BAZ1A: variants seen among roughly 807,000 people sequenced by gnomAD.
The protein encoded by BAZ1A is bromodomain adjacent to zinc finger domain protein 1A.
In BAZ1A, 50 loss-of-function variants were observed where a neutral mutation model predicts 185.2. The observed-to-expected ratio is 0.27, with a 90% CI of 0.22 to 0.34. The LOEUF is 0.34. BAZ1A is among the 10% of genes least tolerant of loss of function. The pLI, the probability that BAZ1A is intolerant of heterozygous loss-of-function variation, is 1.00. For missense variants in BAZ1A, 1,356 were observed against 1,839.9 expected (o/e 0.74, Z 4.81); for synonymous variants, 571 against 615.6 (o/e 0.93, Z 1.07).
At chr14:34,759,697 CAG>C (rs1280011447) in intron 24 of BAZ1A, among the ~76,000 whole-genome samples, 4 of 151,714 alleles carry the variant, frequency 2.6e-5, no homozygotes, top group African/African-American at 9.7e-5. Context: ...ATTTTTGAGA[CAG>C]AGTCTTGCTT....
At chr14:34,816,066 ATAT>A (rs1433068719) in intron 4 of BAZ1A, among the ~76,000 whole-genome samples, 1 of 139,786 alleles carries the variant, frequency 7.2e-6, no homozygotes, top group Admixed American at 7.5e-5. Flanking sequence ...AGCTACATAC[ATAT>A]TATTCCAGAC....
chr14:34,854,498 T>C (rs930841726), intron 3 of BAZ1A, among the ~76,000 whole-genome samples: 6 of 152,008 alleles, frequency 3.9e-5, no homozygotes, highest in African/African-American at 1.5e-4. Flanking sequence ...TAACTTTCAA[T>C]AGAAAATTAA....
At chr14:34,782,405 G>C (rs1266365240) in intron 16 of BAZ1A, among the ~76,000 whole-genome samples, 1 of 151,430 alleles carries the variant, frequency 6.6e-6, no homozygotes, top group Non-Finnish European at 1.5e-5. Context: ...TTTTTAATTG[G>C]GTTGTTTTTA....
intron 18 of BAZ1A, 48 bp downstream of exon 18, chr14:34,775,871 A>AT (rs1278083721): frequency 6.9e-7 from 1 of 1,455,512 alleles, no homozygotes; most frequent in Non-Finnish European, 9.3e-7. Flanking sequence ...ATGACCAGAG[A>AT]TTAGGGGGAG....
chr14:34,823,103 C>A (rs1257576095), intron 4 of BAZ1A, among the ~76,000 whole-genome samples: 4 of 152,206 alleles, frequency 2.6e-5, no homozygotes, highest in African/African-American at 9.6e-5. Context: ...CCTGTAATCC[C>A]AGCACTTTGG....
At chr14:34,870,028 A>G (rs1452282964) in intron 2 of BAZ1A, among the ~76,000 whole-genome samples, 1 of 152,202 alleles carries the variant, frequency 6.6e-6, no homozygotes, top group Non-Finnish European at 1.5e-5. Context: ...TAAGTGAGTG[A>G]GCCCAGAGGA....
At chr14:34,852,842 A>T (rs2042618183) in intron 3 of BAZ1A, among the ~76,000 whole-genome samples, 1 of 152,212 alleles carries the variant, frequency 6.6e-6, no homozygotes, top group Non-Finnish European at 1.5e-5. Flanking sequence ...CCATACAGCT[A>T]ATCATAAATG....
In BAZ1A at chr14:34,758,603, A is replaced by C. The variant is rs1594806322; in HGVS notation, c.4386+101T>G. The C allele has an allele frequency of 9.7e-6, 12 of 1,233,016 alleles. No homozygotes were observed. The East Asian group carries it at 3.0e-4, about 31-fold the overall frequency. 76.4% of individuals were successfully genotyped at this position (1,233,016 alleles called of 1,614,324 possible). A position where few individuals can be genotyped will look rare whatever the true frequency, so the allele number is the denominator to read the frequency against. ...AGGAAAAAACAACAACAACAAAAAAAACTAGACAGTGAGTAACAGGTGTTT... is the reference window on the plus strand; with the variant it reads ...AGGAAAAAACAACAACAACAAAAAACACTAGACAGTGAGTAACAGGTGTTT... On this transcript the variant is annotated intron_variant, in intron 25 of 26. Transcript: ENST00000360310.
At chr14:34,794,402 G>A (rs1881065140) in intron 11 of BAZ1A, among the ~76,000 whole-genome samples, 1 of 152,166 alleles carries the variant, frequency 6.6e-6, no homozygotes, top group South Asian at 2.1e-4. Flanking sequence ...CAATCCTGTT[G>A]AATCCCACGG....
At chr14:34,834,753 T>C (rs2042301939) in intron 3 of BAZ1A, among the ~76,000 whole-genome samples, 1 of 152,146 alleles carries the variant, frequency 6.6e-6, no homozygotes, top group African/African-American at 2.4e-5. Context: ...GTCTATGTCT[T>C]TCACAGCTAC....
intron 4 of BAZ1A, among the ~76,000 whole-genome samples, chr14:34,820,989 T>C (rs1025660814): frequency 2.6e-5 from 4 of 152,166 alleles, no homozygotes; most frequent in African/African-American, 9.7e-5. Context: ...TGAAGCTGGG[T>C]AGTGTCAGTT....
chr14:34,822,419 T>TACC (rs1280261946), intron 4 of BAZ1A, among the ~76,000 whole-genome samples: 3 of 152,130 alleles, frequency 2.0e-5, no homozygotes, highest in Non-Finnish European at 4.4e-5. Context: ...AGCTTAGGAA[T>TACC]ACCAAACCAG....
chr14:34,814,914 C>T (rs1212967509), intron 4 of BAZ1A, among the ~76,000 whole-genome samples: 1 of 151,924 alleles, frequency 6.6e-6, no homozygotes, highest in Non-Finnish European at 1.5e-5. Flanking sequence ...GCTGGGATTA[C>T]AGGTGCCCGC....
intron 3 of BAZ1A, among the ~76,000 whole-genome samples, chr14:34,850,658 T>C (rs545989372): frequency 3.3e-5 from 5 of 152,222 alleles, no homozygotes; most frequent in Admixed American, 1.3e-4. Context: ...TGTACTACAA[T>C]ATTACAGAGG....
intron 26 of BAZ1A, among the ~76,000 whole-genome samples, chr14:34,754,410 C>CCCT (rs1886147651): frequency 1.4e-5 from 1 of 73,228 alleles, no homozygotes; most frequent in Non-Finnish European, 3.2e-5. Flanking sequence ...CAGAGTGAGA[C>CCCT]GTATCTCAAA....
chr14:34,843,480 TC>T lies in BAZ1A; in HGVS notation c.393-17325del, dbSNP rs559468103. Among the ~76,000 whole-genome samples, 97 of 152,204 alleles carry T rather than the reference TC, an allele frequency of 6.4e-4. 2 individuals are homozygous for T. The South Asian group carries it at 0.019, about 30-fold the overall frequency. ...TGGAAGTGGACTTTAGCTACCTCAG[TC>T]TGAGGCCCCAGACATGTAAGGCTAT... On this transcript the variant is annotated intron_variant, in intron 3 of 26. Coordinates refer to ENST00000360310, the MANE Select transcript of BAZ1A (RefSeq NM_013448.3).
chr14:34,873,039 T>G (rs1453953902), intron 2 of BAZ1A, among the ~76,000 whole-genome samples: 1 of 150,852 alleles, frequency 6.6e-6, no homozygotes, highest in Non-Finnish European at 1.5e-5. Flanking sequence ...AGATGTGCAC[T>G]CCTACTTAAA....
rs549892903 is a variant in BAZ1A at position 34,862,759 on chromosome 14, CTA to C, written c.114-439_114-438del. Among the ~76,000 whole-genome samples the C allele has an allele frequency of 1.5e-3, 219 of 146,558 alleles. 1 individual carries two copies. Among genetic ancestry groups the C allele is most frequent in the Non-Finnish European group, 7.6e-4 (51 of 67,086 alleles). ...TGATCTCTCCTGTATTTTCTTGAAACTATATGATGATCTCATTTGTGTTATAA... is the reference window on the plus strand; with the variant it reads ...TGATCTCTCCTGTATTTTCTTGAAACTATGATGATCTCATTTGTGTTATAA... On this transcript the variant is annotated intron_variant, in intron 2 of 26. Transcript: ENST00000360310.
At chr14:34,758,511 C>T (rs992148834) in intron 25 of BAZ1A, 193 bp downstream of exon 25, 10 of 471,210 alleles carry the variant, frequency 2.1e-5, no homozygotes, top group Non-Finnish European at 3.7e-5. Context: ...ACCTGGGAGG[C>T]AGAGCTTGCA....
Sources: gnomAD v4.1 joint callset for allele counts (sites outside exome capture counted in the v4.1 genomes callset) on GRCh38, gnomAD v4.1.1 for gene constraint, MANE v1.5 for transcripts, NCBI Gene and HGNC (gene_info 2026-07-23, HGNC 2026-07-21) for gene names.